Variants in DRC1 observed in about 807,000 individuals in gnomAD.
The protein encoded by DRC1 is dynein regulatory complex subunit 1.
Under a neutral mutation model 98.7 loss-of-function variants are expected in DRC1, and 74 were observed. The observed-to-expected ratio is 0.75, with a 90% CI of 0.62 to 0.91. The LOEUF (loss-of-function observed/expected upper bound fraction) is 0.91, where lower values mean the gene tolerates loss of function less well. DRC1 is among the 40% of genes least tolerant of loss of function. The pLI, the probability that DRC1 is intolerant of heterozygous loss-of-function variation, is 0.00. For missense variants in DRC1, 875 were observed against 886.0 expected (o/e 0.99, Z 0.16); for synonymous variants, 336 against 334.1 (o/e 1.01, Z -0.06).
chr2:26,418,620 A>AATTTATATATAATATATATTAT (rs1558438092), intron 2 of DRC1, among the ~76,000 whole-genome samples: 17 of 89,370 alleles, frequency 1.9e-4, no homozygotes, highest in African/African-American at 9.4e-4. Context: ...AATTATATAT[A>AATTTATATATAATATATATTAT]ATATAAATTA....
chr2:26,452,136 G>T (rs150571676), intron 13 of DRC1, among the ~76,000 whole-genome samples: 1 of 151,900 alleles, frequency 6.6e-6, no homozygotes, highest in Admixed American at 6.6e-5. Context: ...ATAACATAGC[G>T]ATGACTGAGG....
At chr2:26,424,186 C>G (rs1663223517) in intron 3 of DRC1, 85 bp from the exon 4 acceptor site, 2 of 1,522,346 alleles carry the variant, frequency 1.3e-6, no homozygotes, top group South Asian at 2.5e-5. Flanking sequence ...GTCTTATATT[C>G]TAGAGATTCT....
chr2:26,441,300 C>T (rs1187694233), intron 8 of DRC1, among the ~76,000 whole-genome samples: 1 of 152,114 alleles, frequency 6.6e-6, no homozygotes, highest in East Asian at 1.9e-4. Context: ...GGAATTAATT[C>T]CACTTGTAGG....
At position 26,402,113 on chromosome 2, in the gene DRC1, C is replaced by A. The variant is rs1237955253; in HGVS notation, c.124C>A (p.Arg42Ser). 1.2e-6 allele frequency: 2 copies of A among 1,611,088 alleles called. No individual in the cohort carries two copies. Among genetic ancestry groups the A allele is most frequent in the African/African-American group, 1.3e-5 (1 of 74,822 alleles). The part of the protein sequence containing the change: ...SQERIQARRL[R>S]IAARLEARRR... ...GGAGCGCATCCAGGCCCGGCGCCTC[C>A]GCATCGCTGCGCGCTTAGAAGCCCG... Residue 42 changes from arginine to serine, a missense_variant, in exon 1 of 17, where the codon CGC becomes AGC. Transcript: ENST00000288710.
rs1472262198 is a variant in DRC1 at position 26,454,685 on chromosome 2, G to A, written c.1958G>A (p.Arg653His). Residue 653 changes from arginine to histidine, a missense_variant, in exon 15 of 17, where the codon CGT becomes CAT. Coordinates refer to ENST00000288710, the MANE Select transcript of DRC1 (RefSeq NM_145038.5). The surrounding 1 kb of genome is among the most constrained non-coding windows in gnomAD (Gnocchi z 5.2). ...RAPLRVQKNV[R>H]DNSKDSEYWQ... Reference sequence around the variant, plus strand: ...CCGCTGAGGGTACAGAAGAATGTGCGTGACAACTCCAAGGACTCGGAGTAC... The same window carrying A: ...CCGCTGAGGGTACAGAAGAATGTGCATGACAACTCCAAGGACTCGGAGTAC... The A allele has an allele frequency of 2.5e-6, 4 of 1,614,150 alleles. No individual in the cohort carries two copies. The highest frequency in any genetic ancestry group is 1.6e-4 in the Middle Eastern group (1 of 6,062).
intron 7 of DRC1, among the ~76,000 whole-genome samples, chr2:26,436,399 C>A (rs1168689762): frequency 6.6e-6 from 1 of 152,154 alleles, no homozygotes; most frequent in East Asian, 1.9e-4. Context: ...GCCTCGACTT[C>A]CCAGCAGGCT....
Position 26,454,801 on chromosome 2 carries a change from A to AT in DRC1, c.2063+12dup. ...CTTGGAGAAGTACCAGTAAGTGTGC[A>AT]TGTCATGGAGCAGGAGGGTGCTGGC... is the stretch of plus-strand genomic sequence containing the variant. On this transcript the variant is annotated intron_variant, in intron 15 of 16. Coordinates refer to ENST00000288710, the MANE Select transcript of DRC1 (RefSeq NM_145038.5). The surrounding 1 kb of genome is among the most constrained non-coding windows in gnomAD (Gnocchi z 5.2). 2 of 1,613,988 alleles carry AT rather than the reference A, an allele frequency of 1.2e-6. No individual in the cohort carries two copies. Among genetic ancestry groups the AT allele is most frequent in the Non-Finnish European group, 1.7e-6 (2 of 1,179,932 alleles).
intron 5 of DRC1, 55 bp from the exon 6 acceptor site, chr2:26,430,731 G>C: frequency 1.9e-6 from 3 of 1,580,932 alleles, no homozygotes; most frequent in Non-Finnish European, 8.7e-7. Flanking sequence ...TTTGACACTG[G>C]TGGGACCTGC....
intron 7 of DRC1, among the ~76,000 whole-genome samples, chr2:26,433,289 G>T (rs944332590): frequency 6.6e-6 from 1 of 152,144 alleles, no homozygotes; most frequent in Non-Finnish European, 1.5e-5. Flanking sequence ...TGTAGAAAAA[G>T]GTGTTAGATG....
chr2:26,429,844 A>G, intron 5 of DRC1, 79 bp downstream of exon 5: 1 of 1,483,430 alleles, frequency 6.7e-7, no homozygotes, highest in Non-Finnish European at 9.1e-7. Flanking sequence ...TAATAATCTA[A>G]GGAGGGCCCT....
rs1477662387 is a variant in DRC1, at chr2:26,454,394, T to C, written c.1920-253T>C. ...GCACAGTGATGAGCTGTAAAGCCAG[T>C]GAGGTAAACTGATTGGGAGAGAGAG... is the stretch of plus-strand genomic sequence containing the variant. On this transcript the variant is annotated intron_variant, in intron 14 of 16. Transcript: ENST00000288710. This position sits in a 1 kb window ranked among gnomAD's most constrained non-coding sequence, Gnocchi z 5.2. Among the ~76,000 whole-genome samples the C allele has an allele frequency of 1.3e-5, 2 of 152,144 alleles. No homozygotes were observed. Among genetic ancestry groups the C allele is most frequent in the African/African-American group, 4.8e-5 (2 of 41,422 alleles).
chr2:26,437,477 C>G (rs997002505), intron 7 of DRC1, among the ~76,000 whole-genome samples: 1 of 152,236 alleles, frequency 6.6e-6, no homozygotes, highest in Non-Finnish European at 1.5e-5. Context: ...GCAGGGTCTG[C>G]CCGGCACGAT....
chr2:26,441,087 C>CAGTGTAA (rs1663706513), intron 8 of DRC1, among the ~76,000 whole-genome samples: 1 of 152,204 alleles, frequency 6.6e-6, no homozygotes, highest in African/African-American at 2.4e-5. Flanking sequence ...GTACCTATTG[C>CAGTGTAA]TTGAAATTTC....
chr2:26,404,142 T>C (rs938203224), intron 1 of DRC1, among the ~76,000 whole-genome samples: 24 of 152,024 alleles, frequency 1.6e-4, no homozygotes, highest in Non-Finnish European at 2.8e-4. Context: ...CTGGAAGCCA[T>C]ACAAAAACAG....
At chr2:26,425,493 C>CA (rs1663259831) in intron 4 of DRC1, among the ~76,000 whole-genome samples, 2 of 152,256 alleles carry the variant, frequency 1.3e-5, no homozygotes, top group South Asian at 4.1e-4. Context: ...TCTTAGGAAC[C>CA]TCCATACTGT....
chr2:26,453,310 C>T lies in DRC1; in HGVS notation c.1690-10C>T, dbSNP rs778847128. On this transcript the variant is annotated splice_polypyrimidine_tract_variant and intron_variant, in intron 13 of 16. Coordinates refer to ENST00000288710, the MANE Select transcript of DRC1 (RefSeq NM_145038.5). ...CCCCAGCCCACAGTTGTCCGTGCAT[C>T]TTTCTCCAGATCAAGCCCTGCAGTC... 4 of 1,614,104 alleles carry T rather than the reference C, an allele frequency of 2.5e-6. No individual in the cohort carries two copies. Among genetic ancestry groups the T allele is most frequent in the African/African-American group, 2.7e-5 (2 of 75,042 alleles).
At chr2:26,427,406 G>A (rs904418936) in intron 4 of DRC1, among the ~76,000 whole-genome samples, 8 of 151,872 alleles carry the variant, frequency 5.3e-5, no homozygotes, top group African/African-American at 1.9e-4. Context: ...GTGAGCCACC[G>A]CACCTGAGCT....
Position 26,415,425 on chromosome 2 carries a change from T to C in DRC1, c.243+994T>C, listed in dbSNP as rs559169884. On this transcript the variant is annotated intron_variant, in intron 2 of 16. Coordinates refer to ENST00000288710, the MANE Select transcript of DRC1 (RefSeq NM_145038.5). ...AATTTTAAGAGCAGAGGAGAGATCA[T>C]TTCTGGTGAGAAAAAATATTCACGT... is the stretch of plus-strand genomic sequence containing the variant. Among the ~76,000 whole-genome samples, 17 of 152,342 alleles carry C rather than the reference T, an allele frequency of 1.1e-4. No individual in the cohort carries two copies. In the East Asian group the frequency reaches 2.5e-3, roughly 22 times the overall value.
rs148372110 is a variant in DRC1 at position 26,444,724 on chromosome 2, C to T, written c.1172C>T (p.Ala391Val). 3.8e-4 allele frequency: 612 copies of T among 1,613,980 alleles called. 1 individual carries two copies. Among genetic ancestry groups the T allele is most frequent in the Admixed American group, 6.7e-4 (40 of 59,994 alleles). Residue 391 changes from alanine (A) to valine (V), a missense_variant, in exon 10 of 17, where the codon GCT becomes GTT. Coordinates refer to ENST00000288710, the MANE Select transcript of DRC1 (RefSeq NM_145038.5). ...KELQKAMRHF[A>V]LIDDEKFWEI... ...GTGACTCTCCTTCACAGGCATTTTG[C>T]TCTTATTGATGATGAGAAGTTTTGG...
Sources: gnomAD v4.1 joint callset for allele counts (sites outside exome capture counted in the v4.1 genomes callset) on GRCh38, gnomAD v4.1.1 for gene constraint, Gnocchi (gnomAD v3.1) non-coding constraint, MANE v1.5 for transcripts, NCBI Gene and HGNC (gene_info 2026-07-23, HGNC 2026-07-21) for gene names.